Variants in CCSER1 observed in about 807,000 individuals in gnomAD.
The protein encoded by CCSER1 is serine-rich coiled-coil domain-containing protein 1.
A neutral mutation model predicts 82.0 loss-of-function variants in CCSER1; 41 were observed. The ratio of observed to expected loss-of-function variants is 0.50; its 90% CI spans 0.39 to 0.65. The LOEUF is 0.65. CCSER1 is among the 30% of genes least tolerant of loss of function. The pLI is 0.00. For missense variants in CCSER1, 1,119 were observed against 1,064.2 expected, an observed-to-expected ratio of 1.05 and a Z score of -0.72; for synonymous variants, 414 against 383.9, an observed-to-expected ratio of 1.08 and a Z score of -0.92.
chr4:91,194,813 G>C (rs1281759084), intron 10 of CCSER1, among the ~76,000 whole-genome samples: 1 of 152,182 alleles, frequency 6.6e-6, no homozygotes, highest in African/African-American at 2.4e-5. Context: ...GGTCAAATGT[G>C]CAATCCACAC....
intron 9 of CCSER1, among the ~76,000 whole-genome samples, chr4:90,925,841 T>G (rs1728993693): frequency 6.6e-6 from 1 of 152,036 alleles, no homozygotes; most frequent in South Asian, 2.1e-4. Context: ...TGACAATGAG[T>G]CCCTAAAGAA....
intron 9 of CCSER1, among the ~76,000 whole-genome samples, chr4:91,001,532 T>C (rs1048042886): frequency 6.6e-6 from 1 of 152,174 alleles, no homozygotes; most frequent in Non-Finnish European, 1.5e-5. Context: ...TCACTTGTCT[T>C]CTGCACCTCA....
In CCSER1 at chr4:90,835,071, G is replaced by A. The variant is rs554935566; in HGVS notation, c.2094+19226G>A. Among the ~76,000 whole-genome samples, 4 of 152,188 alleles carry A rather than the reference G, an allele frequency of 2.6e-5. No homozygotes were observed. The East Asian group carries it at 5.8e-4, about 22-fold the overall frequency. The stretch of plus-strand genomic sequence containing the variant: ...TTTTCTCGCTGGCCTGGTGGCTCAC[G>A]CCTTAATCCCAGCACTTTGGGAGGC... On this transcript the variant is annotated intron_variant, in intron 8 of 10. Coordinates refer to ENST00000509176, the MANE Select transcript of CCSER1 (RefSeq NM_001145065.2).
At chr4:90,931,560 A>G (rs1729823763) in intron 9 of CCSER1, among the ~76,000 whole-genome samples, 1 of 152,168 alleles carries the variant, frequency 6.6e-6, no homozygotes, top group Non-Finnish European at 1.5e-5. Flanking sequence ...TTTCCGTAAC[A>G]TAGAAGATGG....
At chr4:91,154,618 G>T (rs6818893) in intron 10 of CCSER1, among the ~76,000 whole-genome samples, 28 of 152,002 alleles carry the variant, frequency 1.8e-4, no homozygotes, top group Non-Finnish European at 3.1e-4. Context: ...CATCACTCAC[G>T]CTGGGAGCTG....
intron 1 of CCSER1, among the ~76,000 whole-genome samples, chr4:90,267,870 A>C (rs1725519919): frequency 6.6e-6 from 1 of 152,168 alleles, no homozygotes; most frequent in Non-Finnish European, 1.5e-5. Context: ...CCTTCCCAAG[A>C]AGGGTAAGTA....
chr4:90,838,758 T>A, intron 8 of CCSER1: 1 of 1,135,012 alleles, frequency 8.8e-7, no homozygotes, highest in Non-Finnish European at 1.3e-6. Context: ...TCGTTGTCAG[T>A]AGTTCTTTGA....
At chr4:91,391,430 A>G (rs1490632641) in intron 10 of CCSER1, among the ~76,000 whole-genome samples, 1 of 152,082 alleles carries the variant, frequency 6.6e-6, no homozygotes, top group East Asian at 1.9e-4. Context: ...CCATCAGAGC[A>G]GCTGGGACTA....
intron 3 of CCSER1, among the ~76,000 whole-genome samples, chr4:90,338,127 C>T (rs1740745398): frequency 6.6e-6 from 1 of 152,172 alleles, no homozygotes; most frequent in African/African-American, 2.4e-5. Context: ...CAGTCACATT[C>T]ACTGCTAGTT....
chr4:91,258,526 C>T (rs17269807), intron 10 of CCSER1, among the ~76,000 whole-genome samples: 38,504 of 151,808 alleles, frequency 0.25, 5,013 homozygotes, highest in South Asian at 0.38. Flanking sequence ...TAGTAAAGCA[C>T]TTTAAACATC....
chr4:90,865,926 G>T (rs950965592), intron 8 of CCSER1, among the ~76,000 whole-genome samples: 2 of 151,908 alleles, frequency 1.3e-5, no homozygotes, highest in African/African-American at 4.8e-5. Flanking sequence ...GAGGCCTCAG[G>T]ATACTTTCAA....
At chr4:90,744,689 T>C (rs1241095142) in intron 7 of CCSER1, among the ~76,000 whole-genome samples, 2 of 152,170 alleles carry the variant, frequency 1.3e-5, no homozygotes, top group African/African-American at 4.8e-5. Flanking sequence ...ACCTGAGCTC[T>C]GCCTCCAGTC....
intron 1 of CCSER1, among the ~76,000 whole-genome samples, chr4:90,158,911 C>T (rs573539610): frequency 8.5e-5 from 13 of 152,216 alleles, no homozygotes; most frequent in East Asian, 1.9e-4. Flanking sequence ...TCTGGCACTC[C>T]GCAGTGAGAT....
chr4:90,163,687 G>C (rs574411399), intron 1 of CCSER1, among the ~76,000 whole-genome samples: 3 of 152,012 alleles, frequency 2.0e-5, no homozygotes, highest in Non-Finnish European at 4.4e-5. Flanking sequence ...TGAGATAGGA[G>C]ATTAACTTTA....
chr4:91,228,806 A>G (rs1017754392), intron 10 of CCSER1, among the ~76,000 whole-genome samples: 1 of 152,156 alleles, frequency 6.6e-6, no homozygotes, highest in Non-Finnish European at 1.5e-5. Context: ...TCAATGAACC[A>G]GAACATACGA....
chr4:90,875,512 T>G (rs1166345637), intron 8 of CCSER1, among the ~76,000 whole-genome samples: 1 of 152,178 alleles, frequency 6.6e-6, no homozygotes, highest in Non-Finnish European at 1.5e-5. Context: ...CATTTTTGGA[T>G]AAATAATGAT....
intron 1 of CCSER1, among the ~76,000 whole-genome samples, chr4:90,141,962 A>G (rs1242938015): frequency 6.6e-6 from 1 of 152,186 alleles, no homozygotes. Context: ...GTGATTCAAT[A>G]TATGCCCAGA....
At chr4:91,156,706 G>A (rs546640911) in intron 10 of CCSER1, among the ~76,000 whole-genome samples, 11 of 151,598 alleles carry the variant, frequency 7.3e-5, no homozygotes, top group African/African-American at 1.5e-4. Flanking sequence ...AATCAAATCC[G>A]TAAATCTTTC....
intron 10 of CCSER1, among the ~76,000 whole-genome samples, chr4:91,208,909 T>C (rs1736569224): frequency 6.6e-6 from 1 of 151,996 alleles, no homozygotes; most frequent in Non-Finnish European, 1.5e-5. Context: ...CTTGTAATTG[T>C]TATTGTAGAT....
Sources: gnomAD v4.1 joint callset for allele counts (sites outside exome capture counted in the v4.1 genomes callset) on GRCh38, gnomAD v4.1.1 for gene constraint, MANE v1.5 for transcripts, NCBI Gene and HGNC (gene_info 2026-07-23, HGNC 2026-07-21) for gene names.